The following USP2 variants were observed in gnomAD, a reference collection of about 807,000 sequenced individuals.
USP2 encodes the protein ubiquitin carboxyl-terminal hydrolase 2.
Under a neutral mutation model 72.0 loss-of-function variants are expected in USP2, and 33 were observed. The ratio of observed to expected loss-of-function variants is 0.46; its 90% CI spans 0.35 to 0.61. The LOEUF is 0.61. Ranked by LOEUF, USP2 falls within the 20% of genes least tolerant of loss-of-function variation. The pLI, the probability that USP2 is intolerant of heterozygous loss-of-function variation, is 0.01. For synonymous variants in USP2, 296 were observed against 312.5 expected (o/e 0.95, Z 0.56); for missense variants, 691 against 797.8 (o/e 0.87, Z 1.61).
At chr11:119,365,734 GCTGTCAACCAGC>G (rs1228662695) in intron 2 of USP2, among the ~76,000 whole-genome samples, 17 of 152,136 alleles carry the variant, frequency 1.1e-4, no homozygotes, top group Non-Finnish European at 1.6e-4. Flanking sequence ...TTTGACCACT[GCTGTCAACCAGC>G]CTGTGCTTAT....
At chr11:119,380,413 C>T (rs1951046807) in intron 1 of USP2, among the ~76,000 whole-genome samples, 1 of 152,082 alleles carries the variant, frequency 6.6e-6, no homozygotes, top group African/African-American at 2.4e-5. Context: ...CCCAGGCCAC[C>T]AGGAGAATGC....
chr11:119,357,106 GT>G, intron 12 of USP2, 80 bp downstream of exon 12: 13 of 1,384,080 alleles, frequency 9.4e-6, no homozygotes, highest in South Asian at 8.2e-5. Flanking sequence ...TGGGAGGGGG[GT>G]GGGTTTGGGG....
At chr11:119,375,436 GC>G (rs1950988356) in intron 1 of USP2, among the ~76,000 whole-genome samples, 1 of 152,190 alleles carries the variant, frequency 6.6e-6, no homozygotes, top group Admixed American at 6.5e-5. Context: ...GGCCCAGGGG[GC>G]CCCTGGCCCT....
chr11:119,370,013 T>C (rs994167507), intron 2 of USP2, among the ~76,000 whole-genome samples: 1 of 152,058 alleles, frequency 6.6e-6, no homozygotes, highest in African/African-American at 2.4e-5. Context: ...CCGTCTCTAC[T>C]AAAAATACAA....
chr11:119,366,523 A>G (rs906286706), intron 2 of USP2, among the ~76,000 whole-genome samples: 8 of 152,126 alleles, frequency 5.3e-5, no homozygotes, highest in Admixed American at 3.9e-4. Flanking sequence ...AAGTGTTTCA[A>G]AGAGTCCTAT....
chr11:119,375,390 G>T (rs1475869241), intron 1 of USP2, among the ~76,000 whole-genome samples: 6 of 152,192 alleles, frequency 3.9e-5, no homozygotes, highest in Non-Finnish European at 5.9e-5. Flanking sequence ...CATCAGAAAG[G>T]CCTGGTCCAT....
chr11:119,360,663 G>A (rs995100950), intron 2 of USP2, among the ~76,000 whole-genome samples: 2 of 152,158 alleles, frequency 1.3e-5, no homozygotes, highest in African/African-American at 4.8e-5. Flanking sequence ...GACCTCAGGT[G>A]ATCCACCTGC....
rs1281021641 is a variant in USP2 at position 119,356,748 on chromosome 11, T to C, written c.*87A>G. On this transcript the variant is annotated 3_prime_UTR_variant, in exon 13 of 13. Transcript: ENST00000260187. The stretch of plus-strand genomic sequence containing the variant: ...TTTTTCTCTTGTCAGGTTTGTGTGT[T>C]GTTGTTGTTGTTTTGTTTTTGTCTT... 3 of 1,265,802 alleles carry C rather than the reference T, an allele frequency of 2.4e-6. No homozygotes were observed. Among genetic ancestry groups the C allele is most frequent in the Non-Finnish European group, 3.3e-6 (3 of 921,346 alleles). 78.4% of individuals were successfully genotyped at this position (1,265,802 alleles called of 1,614,324 possible).
chr11:119,363,630 A>G (rs984312352), intron 2 of USP2, among the ~76,000 whole-genome samples: 4 of 151,610 alleles, frequency 2.6e-5, no homozygotes, highest in African/African-American at 7.3e-5. Context: ...GGGAGGGGGC[A>G]AGGGGGACTT....
chr11:119,365,541 C>T (rs1249071858), intron 2 of USP2, among the ~76,000 whole-genome samples: 2 of 152,226 alleles, frequency 1.3e-5, no homozygotes, highest in Non-Finnish European at 2.9e-5. Context: ...CAGCCTTTCT[C>T]CAAGCCTCCT....
chr11:119,366,296 C>T (rs2135399269), intron 2 of USP2, among the ~76,000 whole-genome samples: 1 of 152,326 alleles, frequency 6.6e-6, no homozygotes, highest in East Asian at 1.9e-4. Flanking sequence ...CTTTGTCTTA[C>T]AGCAAAACCC....
chr11:119,373,192 G>T lies in USP2; in HGVS notation c.289C>A (p.Arg97=), dbSNP rs148292528. The part of the protein sequence containing the change: ...GGGKRAESQT[R]GTERPLGSGL... Reference sequence around the variant, plus strand: ...CTGCCTAAAGGCCGCTCAGTACCCCGGGTCTGGCTCTCTGCCCGCTTACCA... The same window carrying T: ...CTGCCTAAAGGCCGCTCAGTACCCCTGGTCTGGCTCTCTGCCCGCTTACCA... Residue 97 remains arginine (R), a synonymous_variant, in exon 2 of 13, where the codon CGG becomes AGG. Coordinates refer to ENST00000260187, the MANE Select transcript of USP2 (RefSeq NM_004205.5). 8 of 1,613,890 alleles carry T rather than the reference G, an allele frequency of 5.0e-6. No individual in the cohort carries two copies. Among genetic ancestry groups the T allele is most frequent in the Non-Finnish European group, 6.8e-6 (8 of 1,179,996 alleles).
Position 119,364,206 on chromosome 11 carries a change from A to T in USP2, c.775-3972T>A, listed in dbSNP as rs1950816936. 2.6e-6 allele frequency: 3 copies of T among 1,144,422 alleles called. No homozygotes were observed. In the South Asian group the frequency reaches 1.3e-4, roughly 50 times the overall value. 70.9% of individuals were successfully genotyped at this position (1,144,422 alleles called of 1,614,324 possible). On this transcript the variant is annotated intron_variant, in intron 2 of 12. Transcript: ENST00000260187. ...GGTCCCGGCTCTCGCGCTCCGGCCG[A>T]CTGGCGGCCCCGCCGGCGCCTCGGG...
rs749386802 is a variant in USP2, at chr11:119,363,984, C to T, written c.775-3750G>A. The T allele has an allele frequency of 8.9e-5, 78 of 879,744 alleles. No homozygotes were observed. In the Admixed American group the frequency reaches 2.6e-3, roughly 30 times the overall value. 54.5% of individuals were successfully genotyped at this position (879,744 alleles called of 1,614,324 possible). On this transcript the variant is annotated intron_variant, in intron 2 of 12. Coordinates refer to ENST00000260187, the MANE Select transcript of USP2 (RefSeq NM_004205.5). Reference sequence around the variant, plus strand: ...GGTCCTCGGGCAGGGTCACGGTGTACGAGGTGCGCATGCTGGGGGGCGGGC... The same window carrying T: ...GGTCCTCGGGCAGGGTCACGGTGTATGAGGTGCGCATGCTGGGGGGCGGGC...
chr11:119,366,143 C>T (rs147385040), intron 2 of USP2, among the ~76,000 whole-genome samples: 2,914 of 152,312 alleles, frequency 0.019, 105 homozygotes, highest in African/African-American at 0.067. Context: ...GATCCGCCCA[C>T]CTCAGCCTCC....
chr11:119,361,515 A>G (rs578065481), intron 2 of USP2, among the ~76,000 whole-genome samples: 2 of 151,886 alleles, frequency 1.3e-5, no homozygotes, highest in African/African-American at 4.8e-5. Flanking sequence ...CCTGATCAGA[A>G]CAGGAGCCTG....
intron 2 of USP2, among the ~76,000 whole-genome samples, chr11:119,363,047 AC>A (rs2135394258): frequency 1.3e-5 from 2 of 152,218 alleles, no homozygotes; most frequent in South Asian, 4.1e-4. Flanking sequence ...CACACTTGAG[AC>A]CCCAATCAAG....
At chr11:119,368,797 C>T (rs770367688) in intron 2 of USP2, among the ~76,000 whole-genome samples, 1 of 150,158 alleles carries the variant, frequency 6.7e-6, no homozygotes, top group Non-Finnish European at 1.5e-5. Flanking sequence ...CCTGGGCCAA[C>T]CCCTGGATCT....
At chr11:119,375,619 C>T (rs149581274) in intron 1 of USP2, among the ~76,000 whole-genome samples, 11 of 152,216 alleles carry the variant, frequency 7.2e-5, no homozygotes, top group Non-Finnish European at 1.3e-4. Flanking sequence ...CTTTGGAGAA[C>T]TCCATCAATA....
Sources: allele counts gnomAD v4.1 joint callset (sites outside exome capture counted in the v4.1 genomes callset), GRCh38; gene constraint gnomAD v4.1.1; transcripts MANE v1.5; gene names NCBI Gene and HGNC (gene_info 2026-07-23, HGNC 2026-07-21).